Variants in LIMS2 observed in about 807,000 individuals in gnomAD.
LIMS2 encodes the protein LIM zinc finger domain containing 2, also known as LIM and senescent cell antigen-like-containing domain protein 2.
In LIMS2, 30 loss-of-function variants were observed where a neutral mutation model predicts 45.3. The observed-to-expected ratio is 0.66, with a 90% confidence interval of 0.50 to 0.90. The LOEUF (loss-of-function observed/expected upper bound fraction) is 0.90, where lower values mean the gene tolerates loss of function less well. Ranked by LOEUF, LIMS2 falls within the 40% of genes least tolerant of loss-of-function variation. LIMS2 has a pLI of 0.00. For missense variants in LIMS2, 485 were observed against 468.7 expected (o/e 1.03, Z -0.32); for synonymous variants, 173 against 188.0 (o/e 0.92, Z 0.65).
chr2:127,677,084 G>A (rs1479096668), upstream of LIMS2, among the ~76,000 whole-genome samples: 3 of 152,218 alleles, frequency 2.0e-5, no homozygotes, highest in African/African-American at 7.2e-5. This position sits in a 1 kb window ranked among gnomAD's most constrained non-coding sequence, Gnocchi z 5.0. Flanking sequence ...AGCTGGTAGG[G>A]GTTGTGGGCA....
intron 4 of LIMS2, chr2:127,649,953 A>G: frequency 1.4e-6 from 2 of 1,418,648 alleles, no homozygotes; most frequent in Non-Finnish European, 2.0e-6. Context: ...AAATACTCCC[A>G]GCTGGCCTGA....
At position 127,675,109 on chromosome 2, in the gene LIMS2, G is replaced by C; in HGVS notation, c.-85C>G. On this transcript the variant is annotated 5_prime_UTR_variant, in exon 1 of 10. Coordinates refer to ENST00000355119, the MANE Select transcript of LIMS2 (RefSeq NM_001161403.3). ...GCAGCCGCCAGCCGAGCGCCCGCCC[G>C]CCAGCCCGGGCCGCGGAGCAGGGAG... 4 of 1,172,254 alleles carry C rather than the reference G, an allele frequency of 3.4e-6. No individual in the cohort carries two copies. The East Asian group carries it at 1.3e-4, about 39-fold the overall frequency. 72.6% of individuals were successfully genotyped at this position (1,172,254 alleles called of 1,614,324 possible). A position where few individuals can be genotyped will look rare whatever the true frequency, so the allele number is the denominator to read the frequency against.
At chr2:127,640,196 C>T (rs545182124) in intron 8 of LIMS2, 51 bp from the exon 9 acceptor site, 19 of 1,611,992 alleles carry the variant, frequency 1.2e-5, no homozygotes, top group African/African-American at 8.0e-5. Context: ...GCCGCAGGCC[C>T]GGCTGGGCTC....
chr2:127,650,856 G>A (rs376553137), intron 4 of LIMS2: 1 of 1,614,136 alleles, frequency 6.2e-7, no homozygotes, highest in African/African-American at 1.3e-5. Flanking sequence ...CTACCTTCTG[G>A]ATTTTATCCT....
intron 4 of LIMS2, chr2:127,652,123 G>C: frequency 3.6e-6 from 1 of 280,740 alleles, no homozygotes; most frequent in South Asian, 6.8e-5. Flanking sequence ...TCAGCAGAAA[G>C]ACCCTGAAGG....
chr2:127,651,707 C>T lies in LIMS2; in HGVS notation c.359+2717G>A, dbSNP rs141862770. 3,616 of 1,613,094 alleles carry T rather than the reference C, an allele frequency of 2.2e-3. 12 individuals carry two copies. Among genetic ancestry groups the T allele is most frequent in the Non-Finnish European group, 2.7e-3 (3,198 of 1,180,022 alleles). Reference sequence around the variant, plus strand: ...GGCTCAAGGGCCCGCCCCCCAGCTTCGAAGGGAAAACCAACGAGAGCTCGC... The same window carrying T: ...GGCTCAAGGGCCCGCCCCCCAGCTTTGAAGGGAAAACCAACGAGAGCTCGC... On this transcript the variant is annotated intron_variant, in intron 4 of 9. Transcript: ENST00000355119.
In LIMS2 at chr2:127,639,133, G is replaced by A. The variant is rs923193333; in HGVS notation, c.*148C>T. On this transcript the variant is annotated 3_prime_UTR_variant, in exon 10 of 10. Transcript: ENST00000355119. Reference sequence around the variant, plus strand: ...GGAGAGACATGGGGAAGGCAGAGATGAGGGAACAGGAAGGGAGAAGGCAAT... The same window carrying A: ...GGAGAGACATGGGGAAGGCAGAGATAAGGGAACAGGAAGGGAGAAGGCAAT... 2.4e-6 allele frequency: 2 copies of A among 818,734 alleles called. No individual in the cohort carries two copies. The highest frequency in any genetic ancestry group is 3.8e-6 in the Non-Finnish European group (2 of 528,748). The allele number at this position is 818,734 out of a possible 1,614,324, so 50.7% of individuals were successfully genotyped here.
At chr2:127,644,033 G>T (rs1207595878) in intron 4 of LIMS2, 1 of 456,334 alleles carries the variant, frequency 2.2e-6, no homozygotes, top group African/African-American at 2.0e-5. Flanking sequence ...AGATGCCAGG[G>T]CCACCCATTC....
At chr2:127,673,273 C>T (rs1021769965) in intron 1 of LIMS2, among the ~76,000 whole-genome samples, 3 of 152,194 alleles carry the variant, frequency 2.0e-5, no homozygotes, top group African/African-American at 7.2e-5. Context: ...GGAACTGTGG[C>T]AGTTTCCTTC....
At chr2:127,655,126 A>G (rs1344175791) in intron 2 of LIMS2, 15 of 605,802 alleles carry the variant, frequency 2.5e-5, no homozygotes, top group African/African-American at 3.7e-5. Context: ...GAGGTCCGTG[A>G]GGCCACCTGT....
rs376579491 is a variant in LIMS2 at position 127,649,098 on chromosome 2, G to GAA, written c.359+5324_359+5325dup. The stretch of plus-strand genomic sequence containing the variant: ...AAAAAGAAAAGAAAAAAAGAAAAAA[G>GAA]AAAAGAAAAAAGGAAAATAAAGAAA... On this transcript the variant is annotated intron_variant, in intron 4 of 9. Transcript: ENST00000355119. Among the ~76,000 whole-genome samples the GAA allele has an allele frequency of 2.4e-5, 3 of 125,390 alleles. No homozygotes were observed. In the East Asian group the frequency reaches 6.9e-4, roughly 29 times the overall value. 82.3% of individuals were successfully genotyped at this position (125,390 alleles called of 152,430 possible).
chr2:127,677,498 A>G (rs1378178905), upstream of LIMS2, among the ~76,000 whole-genome samples: 4 of 152,092 alleles, frequency 2.6e-5, no homozygotes, highest in East Asian at 1.9e-4. This position sits in a 1 kb window ranked among gnomAD's most constrained non-coding sequence, Gnocchi z 5.0. Context: ...TCTGCAGGAA[A>G]AGCATTCCGG....
rs1162456843 is a variant in LIMS2 at position 127,648,415 on chromosome 2, GC to G, written c.360-5344del. The G allele has an allele frequency of 3.9e-5, 6 of 154,444 alleles. No homozygotes were observed. The East Asian group carries it at 1.2e-3, about 30-fold the overall frequency. The allele number at this position is 154,444 out of a possible 1,614,324, so 9.6% of individuals were successfully genotyped here. A position where few individuals can be genotyped will look rare whatever the true frequency, so the allele number is the denominator to read the frequency against. On this transcript the variant is annotated intron_variant, in intron 4 of 9. Transcript: ENST00000355119. ...CACCCTCCATGTGAGGGCCACAGCA[GC>G]TGGCCACTCGCTCTCCTGAAGGAAG...
At chr2:127,663,455 G>T (rs1211531201) in intron 1 of LIMS2, among the ~76,000 whole-genome samples, 1 of 152,174 alleles carries the variant, frequency 6.6e-6, no homozygotes, top group Non-Finnish European at 1.5e-5. Flanking sequence ...CTCAGCAAAA[G>T]ATATCTTTGA....
At chr2:127,649,668 T>G (rs1683497845) in intron 4 of LIMS2, among the ~76,000 whole-genome samples, 1 of 152,204 alleles carries the variant, frequency 6.6e-6, no homozygotes, top group African/African-American at 2.4e-5. Context: ...CTGAGTTGAC[T>G]AAAATCAAAA....
chr2:127,670,681 A>G (rs1268128945), intron 1 of LIMS2, among the ~76,000 whole-genome samples: 1 of 152,232 alleles, frequency 6.6e-6, no homozygotes, highest in East Asian at 1.9e-4. Context: ...ATGCAACTAC[A>G]TGGCTTCTTA....
chr2:127,673,767 C>G, intron 1 of LIMS2: 1 of 1,549,924 alleles, frequency 6.5e-7, no homozygotes, highest in South Asian at 1.2e-5. Flanking sequence ...GAGTGAGAAC[C>G]AGCCAGCTGG....
intron 7 of LIMS2, 83 bp downstream of exon 7, chr2:127,640,813 T>C: frequency 1.6e-6 from 2 of 1,245,606 alleles, no homozygotes; most frequent in Non-Finnish European, 1.2e-6. Flanking sequence ...CCTGAGGGGG[T>C]GCCCACAGCC....
At chr2:127,666,023 C>T (rs990539889) in intron 1 of LIMS2, among the ~76,000 whole-genome samples, 14 of 152,048 alleles carry the variant, frequency 9.2e-5, no homozygotes. Flanking sequence ...CTGATTGAGC[C>T]CAAATCCCAA....
Sources: gnomAD v4.1 joint callset for allele counts (sites outside exome capture counted in the v4.1 genomes callset) on GRCh38, gnomAD v4.1.1 for gene constraint, Gnocchi (gnomAD v3.1) non-coding constraint, MANE v1.5 for transcripts, NCBI Gene and HGNC (gene_info 2026-07-23, HGNC 2026-07-21) for gene names.